Variants in PCED1B observed in about 807,000 individuals in gnomAD.
PCED1B encodes the protein PC-esterase domain containing 1B.
For synonymous variants in PCED1B, 251 were observed against 246.1 expected, an observed-to-expected ratio of 1.02 and a Z score of -0.19; for missense variants, 573 against 573.9, an observed-to-expected ratio of 1.00 and a Z score of 0.02.
intron 2 of PCED1B, among the ~76,000 whole-genome samples, chr12:47,134,449 T>C (rs1940263027): frequency 6.6e-6 from 1 of 152,186 alleles, no homozygotes; most frequent in Admixed American, 6.5e-5. Flanking sequence ...ACAAAATACA[T>C]GTATCTGGCT....
At chr12:47,220,032 C>T (rs1392045194) in intron 3 of PCED1B, among the ~76,000 whole-genome samples, 2 of 147,482 alleles carry the variant, frequency 1.4e-5, no homozygotes, top group Non-Finnish European at 1.5e-5. Context: ...GTGATCATGC[C>T]CCTGTACTCC....
intron 2 of PCED1B, among the ~76,000 whole-genome samples, chr12:47,207,257 C>T (rs978556950): frequency 7.9e-5 from 12 of 152,228 alleles, no homozygotes; most frequent in African/African-American, 2.9e-4. Flanking sequence ...AATACATAAA[C>T]ATATTGCTAG....
intron 2 of PCED1B, among the ~76,000 whole-genome samples, chr12:47,135,098 G>A (rs1272934370): frequency 6.6e-6 from 1 of 152,058 alleles, no homozygotes; most frequent in Non-Finnish European, 1.5e-5. Flanking sequence ...GATAGGAATT[G>A]GTCATTTAGT....
chr12:47,235,329 T>C lies in PCED1B; in HGVS notation c.266T>C (p.Val89Ala), dbSNP rs771817985. The change falls in exon 4 of 4, where the codon GTA becomes GCA. Residue 89 changes from valine to alanine, a missense_variant. Val to Ala is a moderately conservative substitution (Grantham distance 64). Transcript: ENST00000546455. Reference sequence around the variant, plus strand: ...GAGTTCCGCTCCGACCACCATCTGGTACGTTTTTACTTCCTCACCCGCGTG... The same window carrying C: ...GAGTTCCGCTCCGACCACCATCTGGCACGTTTTTACTTCCTCACCCGCGTG... ...VREFRSDHHL[V>A]RFYFLTRVYS... is the part of the protein sequence containing the mutation. The C allele has an allele frequency of 6.2e-7, 1 of 1,613,970 alleles. No individual in the cohort carries two copies.
At chr12:47,098,241 C>G (rs957744931) in intron 1 of PCED1B, among the ~76,000 whole-genome samples, 1 of 152,170 alleles carries the variant, frequency 6.6e-6, no homozygotes, top group Non-Finnish European at 1.5e-5. Context: ...CTCTCTCTTA[C>G]GATTCTGAGC....
intron 3 of PCED1B, among the ~76,000 whole-genome samples, chr12:47,222,643 T>G (rs214709): frequency 0.5 from 76,218 of 151,940 alleles, 22,040 homozygotes; most frequent in African/African-American, 0.81. Flanking sequence ...ACTTTACATG[T>G]GTTCATTTAA....
At chr12:47,168,211 G>A (rs183233419) in intron 2 of PCED1B, among the ~76,000 whole-genome samples, 1 of 152,190 alleles carries the variant, frequency 6.6e-6, no homozygotes, top group South Asian at 2.1e-4. Flanking sequence ...ATTTTTTAGA[G>A]AGTAGGTCTT....
Position 47,093,674 on chromosome 12 carries a change from T to C in PCED1B, c.-608-10439T>C, listed in dbSNP as rs978045850. Among the ~76,000 whole-genome samples, 3 of 152,034 alleles carry C rather than the reference T, an allele frequency of 2.0e-5. No individual in the cohort carries two copies. The East Asian group carries it at 5.8e-4, about 29-fold the overall frequency. On this transcript the variant is annotated intron_variant, in intron 1 of 3. Coordinates refer to ENST00000546455, the MANE Select transcript of PCED1B (RefSeq NM_138371.3). ...TTAAGTTTAAGAACTAATTTCTGTT[T>C]TTTTTCTTTATCCCATGGATTATTT...
At chr12:47,194,958 T>C (rs1210051048) in intron 2 of PCED1B, among the ~76,000 whole-genome samples, 1 of 151,824 alleles carries the variant, frequency 6.6e-6, no homozygotes, top group Non-Finnish European at 1.5e-5. Context: ...ATTTAACTTG[T>C]TAAATGAAGA....
intron 2 of PCED1B, among the ~76,000 whole-genome samples, chr12:47,169,234 AG>A (rs1941639411): frequency 6.6e-6 from 1 of 152,228 alleles, no homozygotes; most frequent in African/African-American, 2.4e-5. Context: ...GGTTTGAGCT[AG>A]GATAGCAAAC....
intron 2 of PCED1B, among the ~76,000 whole-genome samples, chr12:47,215,968 G>A (rs553904142): frequency 2.0e-5 from 3 of 151,996 alleles, no homozygotes; most frequent in Non-Finnish European, 2.9e-5. Flanking sequence ...CAGGAGAATC[G>A]CTTGAACCTG....
chr12:47,121,217 A>G (rs1022432154), intron 2 of PCED1B, among the ~76,000 whole-genome samples: 5 of 152,262 alleles, frequency 3.3e-5, no homozygotes, highest in Non-Finnish European at 7.3e-5. Flanking sequence ...AAGGAAAGAA[A>G]CAATCCCGGT....
chr12:47,195,342 G>A (rs1389627398), intron 2 of PCED1B, among the ~76,000 whole-genome samples: 18 of 139,250 alleles, frequency 1.3e-4, no homozygotes, highest in African/African-American at 4.7e-4. Flanking sequence ...AAAAAAAAAA[G>A]AAAAAAAGAA....
intron 2 of PCED1B, among the ~76,000 whole-genome samples, chr12:47,191,249 T>C: frequency 6.6e-6 from 1 of 152,178 alleles, no homozygotes; most frequent in East Asian, 1.9e-4. Context: ...AAGCAGTTTT[T>C]ACAAAGGGAC....
At chr12:47,227,973 A>G (rs1199635060) in intron 3 of PCED1B, among the ~76,000 whole-genome samples, 1 of 151,974 alleles carries the variant, frequency 6.6e-6, no homozygotes, top group Non-Finnish European at 1.5e-5. Context: ...AGAAGTCCTC[A>G]GACACTGTGA....
At position 47,225,372 on chromosome 12, in the gene PCED1B, G is replaced by C. The variant is rs973593336; in HGVS notation, c.-58+8683G>C. 2.6e-5 allele frequency among the ~76,000 whole-genome samples: 4 copies of C among 152,310 alleles called. No individual in the cohort carries two copies. The South Asian group carries it at 8.3e-4, about 32-fold the overall frequency. On this transcript the variant is annotated intron_variant, in intron 3 of 3. Coordinates refer to ENST00000546455, the MANE Select transcript of PCED1B (RefSeq NM_138371.3). The stretch of plus-strand genomic sequence containing the variant: ...CCACTTTGGTGTTGTATAGGTCACT[G>C]GATGTTAACTGACTTGCCTCAAATC...
chr12:47,115,348 C>T (rs545627879), intron 2 of PCED1B, among the ~76,000 whole-genome samples: 25 of 152,230 alleles, frequency 1.6e-4, no homozygotes, highest in African/African-American at 6.0e-4. Flanking sequence ...GGTTTCTTTC[C>T]TCCTTGCTCC....
Position 47,235,248 on chromosome 12 carries a change from T to A in PCED1B, c.185T>A (p.Val62Glu). The A allele has an allele frequency of 6.2e-7, 1 of 1,613,374 alleles. No homozygotes were observed. Among genetic ancestry groups the A allele is most frequent in the Non-Finnish European group, 8.5e-7 (1 of 1,179,550 alleles). ...GELNFEQDELVDGGQRGHMHN... is the reference protein window; with the variant it reads ...GELNFEQDELEDGGQRGHMHN... Reference sequence around the variant, plus strand: ...CTGAACTTCGAACAAGATGAGCTGGTGGACGGAGGCCAGCGGGGCCACATG... The same window carrying A: ...CTGAACTTCGAACAAGATGAGCTGGAGGACGGAGGCCAGCGGGGCCACATG... The change falls in exon 4 of 4, where the codon GTG (valine) becomes GAG (glutamate). Residue 62 changes from valine (V) to glutamate (E), a missense_variant. By Grantham distance (121) the Val-to-Glu change is moderately radical. Coordinates refer to ENST00000546455, the MANE Select transcript of PCED1B (RefSeq NM_138371.3).
At chr12:47,229,261 AAACTT>A (rs1441790297) in intron 3 of PCED1B, among the ~76,000 whole-genome samples, 1 of 152,010 alleles carries the variant, frequency 6.6e-6, no homozygotes, top group Middle Eastern at 3.4e-3. Context: ...AAAAATATAA[AAACTT>A]AGCTGGGCGT....
Sources: allele counts gnomAD v4.1 joint callset (sites outside exome capture counted in the v4.1 genomes callset), GRCh38; gene constraint gnomAD v4.1.1; transcripts MANE v1.5; gene names NCBI Gene and HGNC (gene_info 2026-07-23, HGNC 2026-07-21).